The following STAC variants were observed in gnomAD, a reference collection of about 807,000 sequenced individuals.
The protein encoded by STAC is SH3 and cysteine rich domain.
STAC carries 43 observed loss-of-function variants against 48.8 expected under a neutral mutation model. The observed-to-expected ratio is 0.88, with a 90% confidence interval of 0.69 to 1.14. The LOEUF is 1.14. Among genes scored for constraint, STAC ranks in the 50% most tolerant of loss-of-function variants. STAC has a pLI of 0.00. For synonymous variants in STAC, 193 were observed against 179.5 expected (o/e 1.07, Z -0.60); for missense variants, 497 against 504.0 (o/e 0.99, Z 0.13).
At chr3:36,427,300 C>A (rs1265237249) in intron 1 of STAC, among the ~76,000 whole-genome samples, 1 of 152,188 alleles carries the variant, frequency 6.6e-6, no homozygotes, top group Non-Finnish European at 1.5e-5. Flanking sequence ...CAATATGCAT[C>A]ATATATGAAT....
intron 10 of STAC, among the ~76,000 whole-genome samples, chr3:36,539,516 A>G (rs1276516818): frequency 1.3e-5 from 2 of 152,060 alleles, no homozygotes; most frequent in African/African-American, 4.8e-5. Context: ...AGCTCCATCC[A>G]TATCCCTGCA....
chr3:36,472,329 C>A (rs1452870149), intron 2 of STAC, among the ~76,000 whole-genome samples: 4 of 152,216 alleles, frequency 2.6e-5, no homozygotes, highest in Non-Finnish European at 5.9e-5. Context: ...GCCTCCAGGC[C>A]TGTGATGGGA....
At chr3:36,460,296 A>G (rs1220979884) in intron 2 of STAC, among the ~76,000 whole-genome samples, 2 of 152,170 alleles carry the variant, frequency 1.3e-5, no homozygotes, top group East Asian at 3.9e-4. Flanking sequence ...CTGGTTTTCA[A>G]CTGGAGCAAT....
intron 10 of STAC, among the ~76,000 whole-genome samples, chr3:36,538,201 C>T (rs1042946006): frequency 6.6e-6 from 1 of 152,074 alleles, no homozygotes; most frequent in African/African-American, 2.4e-5. Context: ...TATCAAAACA[C>T]AGGTTTTAAG....
chr3:36,472,062 C>T (rs1165242564), intron 2 of STAC, among the ~76,000 whole-genome samples: 1 of 152,238 alleles, frequency 6.6e-6, no homozygotes, highest in Non-Finnish European at 1.5e-5. Flanking sequence ...AAACTTTTGC[C>T]TGCACATCCA....
At chr3:36,475,262 AT>A (rs34947140) in intron 2 of STAC, among the ~76,000 whole-genome samples, 18,444 of 148,724 alleles carry the variant, frequency 0.12, 1,310 homozygotes, top group East Asian at 0.31. Flanking sequence ...ACATCATGTT[AT>A]TTTTTTTTTT....
intron 2 of STAC, among the ~76,000 whole-genome samples, chr3:36,447,977 C>A (rs1696562868): frequency 6.6e-6 from 1 of 152,042 alleles, no homozygotes; most frequent in South Asian, 2.1e-4. Flanking sequence ...ATGCAGCACC[C>A]AGAACTCAGT....
intron 6 of STAC, among the ~76,000 whole-genome samples, chr3:36,493,966 C>G (rs1312010515): frequency 6.6e-6 from 1 of 151,096 alleles, no homozygotes; most frequent in African/African-American, 2.4e-5. Flanking sequence ...CTGGCTAACA[C>G]GGTGAAACCC....
At chr3:36,417,468 T>C (rs1034010967) in intron 1 of STAC, among the ~76,000 whole-genome samples, 1 of 151,928 alleles carries the variant, frequency 6.6e-6, no homozygotes, top group Admixed American at 6.6e-5. Context: ...CACACGTATA[T>C]AAATTTTTCT....
chr3:36,380,554 C>T lies in STAC; in HGVS notation c.-90C>T. ...GGATGGGAGTCCCCAGGACCCGGAG[C>T]TGAGCAGCCTGGCGCGCGGCGGGCA... On this transcript the variant is annotated 5_prime_UTR_variant, in exon 1 of 11. Coordinates refer to ENST00000273183, the MANE Select transcript of STAC (RefSeq NM_003149.3). The T allele has an allele frequency of 1.9e-6, 2 of 1,067,732 alleles. No individual in the cohort carries two copies. The highest frequency in any genetic ancestry group is 1.6e-5 in the African/African-American group (1 of 62,208). The allele number at this position is 1,067,732 out of a possible 1,614,324, so 66.1% of individuals were successfully genotyped here.
At chr3:36,484,930 C>G in intron 3 of STAC, 47 bp from the exon 4 acceptor site, 3 of 1,483,772 alleles carry the variant, frequency 2.0e-6, no homozygotes, top group Non-Finnish European at 2.7e-6. Context: ...ATGGTTTTCT[C>G]CATCTCCAGT....
intron 10 of STAC, 37 bp downstream of exon 10, chr3:36,529,022 C>T (rs940258701): frequency 1.3e-6 from 2 of 1,543,400 alleles, no homozygotes; most frequent in Non-Finnish European, 1.8e-6. Context: ...AGATATGAGC[C>T]AAATAGGGTG....
Position 36,443,154 on chromosome 3 carries a change from T to C in STAC, c.112-210T>C, listed in dbSNP as rs1696403792. 6.6e-6 allele frequency among the ~76,000 whole-genome samples: 1 copy of C among 152,162 alleles called. No homozygotes were observed. The highest frequency in any genetic ancestry group is 6.5e-5 in the Admixed American group (1 of 15,276). ...TCAAAGGCAAAATAGGACCTCTTTCTGCTCATCTGGCTTAGTGGCAGGGGC... is the reference window on the plus strand; with the variant it reads ...TCAAAGGCAAAATAGGACCTCTTTCCGCTCATCTGGCTTAGTGGCAGGGGC... On this transcript the variant is annotated intron_variant, in intron 1 of 10. Coordinates refer to ENST00000273183, the MANE Select transcript of STAC (RefSeq NM_003149.3). The surrounding 1 kb of genome is among the most constrained non-coding windows in gnomAD (Gnocchi z 4.2).
intron 10 of STAC, among the ~76,000 whole-genome samples, chr3:36,539,850 C>G (rs1003287753): frequency 2.0e-5 from 3 of 152,116 alleles, no homozygotes; most frequent in African/African-American, 7.2e-5. Flanking sequence ...GTCCTTTTAT[C>G]CTGTGGTAGG....
intron 8 of STAC, among the ~76,000 whole-genome samples, chr3:36,521,036 T>C (rs1461654767): frequency 6.6e-6 from 1 of 152,128 alleles, no homozygotes; most frequent in African/African-American, 2.4e-5. Context: ...CAAGATAATG[T>C]AAATTGGGAA....
In STAC at chr3:36,484,970, T is replaced by C. The variant is rs1471187790; in HGVS notation, c.490-7T>C. The C allele has an allele frequency of 1.3e-6, 2 of 1,591,004 alleles. No homozygotes were observed. The highest frequency in any genetic ancestry group is 2.3e-5 in the South Asian group (2 of 87,316). On this transcript the variant is annotated splice_polypyrimidine_tract_variant and splice_region_variant and intron_variant, in intron 3 of 10. Coordinates refer to ENST00000273183, the MANE Select transcript of STAC (RefSeq NM_003149.3). Reference sequence around the variant, plus strand: ...TTAACCCCTTGCCTTCCTCATTCTCTCTCCAGCCAAAGGGGTTTCGGCGTT... The same window carrying C: ...TTAACCCCTTGCCTTCCTCATTCTCCCTCCAGCCAAAGGGGTTTCGGCGTT...
intron 10 of STAC, 64 bp from the exon 11 acceptor site, chr3:36,546,127 C>A (rs1280897104): frequency 2.2e-6 from 3 of 1,363,562 alleles, no homozygotes; most frequent in Admixed American, 1.7e-5. Context: ...ATTCAAGCTG[C>A]AGGTTCTAAC....
chr3:36,464,830 A>AT lies in STAC; in HGVS notation c.389-18151dup, dbSNP rs59830199. Among the ~76,000 whole-genome samples the AT allele has an allele frequency of 2.4e-3, 337 of 142,562 alleles. 2 individuals are homozygous for AT. The highest frequency in any genetic ancestry group is 5.2e-3 in the African/African-American group (202 of 39,178). The allele number at this position is 142,562 out of a possible 152,430, so 93.5% of individuals were successfully genotyped here. The stretch of plus-strand genomic sequence containing the variant: ...TTCCATGGTGTGTGTGTGTGTGTGT[A>AT]TTTTTTTTTTTACACATTTTCTTTA... On this transcript the variant is annotated intron_variant, in intron 2 of 10. Transcript: ENST00000273183.
Position 36,394,076 on chromosome 3 carries a change from C to T in STAC, c.111+13322C>T, listed in dbSNP as rs143673303. Among the ~76,000 whole-genome samples the T allele has an allele frequency of 5.5e-3, 832 of 152,016 alleles. 6 individuals carry two copies. The highest frequency in any genetic ancestry group is 0.017 in the African/African-American group (710 of 41,446). ...TGGGTGCTTCTTGTTGAGTAAACAACAGGAAAAATAACAGGAGGTGAGTAC... is the reference window on the plus strand; with the variant it reads ...TGGGTGCTTCTTGTTGAGTAAACAATAGGAAAAATAACAGGAGGTGAGTAC... On this transcript the variant is annotated intron_variant, in intron 1 of 10. Transcript: ENST00000273183.
Sources: gnomAD v4.1 joint callset for allele counts (sites outside exome capture counted in the v4.1 genomes callset) on GRCh38, gnomAD v4.1.1 for gene constraint, Gnocchi (gnomAD v3.1) non-coding constraint, MANE v1.5 for transcripts, NCBI Gene and HGNC (gene_info 2026-07-23, HGNC 2026-07-21) for gene names.